Variants in GPC6 observed in about 807,000 individuals in gnomAD.
GPC6 encodes the protein glypican-6.
GPC6 carries 14 observed loss-of-function variants against 55.2 expected under a neutral mutation model. That is an observed-to-expected ratio of 0.25 (90% CI 0.17 to 0.40). The LOEUF (loss-of-function observed/expected upper bound fraction) is 0.40. GPC6 is among the 10% of genes least tolerant of loss of function. The pLI is 1.00. For synonymous variants in GPC6, 278 were observed against 259.6 expected, an observed-to-expected ratio of 1.07 and a Z score of -0.68; for missense variants, 641 against 708.5, an observed-to-expected ratio of 0.90 and a Z score of 1.08.
intron 2 of GPC6, among the ~76,000 whole-genome samples, chr13:93,623,762 T>A (rs1432854423): frequency 1.3e-5 from 2 of 152,094 alleles, no homozygotes; most frequent in East Asian, 3.9e-4. Flanking sequence ...CTGGCCTCTT[T>A]GGTCTTTTTG....
At chr13:93,555,039 T>C (rs542225608) in intron 2 of GPC6, among the ~76,000 whole-genome samples, 1 of 152,324 alleles carries the variant, frequency 6.6e-6, no homozygotes, top group South Asian at 2.1e-4. Context: ...TGAAGTAAGA[T>C]AGCAGGAAAT....
intron 2 of GPC6, among the ~76,000 whole-genome samples, chr13:93,558,158 T>C (rs1173008738): frequency 6.6e-6 from 1 of 152,240 alleles, no homozygotes; most frequent in Non-Finnish European, 1.5e-5. Flanking sequence ...TAGTTTTTCA[T>C]TTGTAAAATA....
At position 93,905,724 on chromosome 13, in the gene GPC6, A is replaced by G. The variant is rs149995466; in HGVS notation, c.711+75179A>G. Among the ~76,000 whole-genome samples the G allele has an allele frequency of 9.8e-3, 1,497 of 152,346 alleles. 20 individuals are homozygous for G. The highest frequency in any genetic ancestry group is 0.034 in the African/African-American group (1,398 of 41,586). On this transcript the variant is annotated intron_variant, in intron 3 of 8. Transcript: ENST00000377047. The stretch of plus-strand genomic sequence containing the variant: ...TTTGGGATTAGGTGAGAATAATCCA[A>G]TTTGAAGGATCAGGTTTTAATTACC...
chr13:94,335,190 A>G (rs902924343), intron 6 of GPC6, among the ~76,000 whole-genome samples: 2 of 152,202 alleles, frequency 1.3e-5, no homozygotes, highest in African/African-American at 4.8e-5. Context: ...CTATAAAGGG[A>G]AGAAAACAGG....
At chr13:93,690,189 T>C (rs1882206614) in intron 2 of GPC6, among the ~76,000 whole-genome samples, 1 of 152,126 alleles carries the variant, frequency 6.6e-6, no homozygotes, top group African/African-American at 2.4e-5. Flanking sequence ...GGAGCTGGTA[T>C]TGGGTTAAGC....
At chr13:93,765,232 TTGTCTGGAAAGACAACTTTCCAGATAAGC>T (rs71703802) in intron 2 of GPC6, among the ~76,000 whole-genome samples, 41,947 of 94,146 alleles carry the variant, frequency 0.45, 7,048 homozygotes, top group Middle Eastern at 0.58. Context: ...AAAAGATAAA[TTGTCTGGAAAGACAACTTTCCAGATAAGC>T]TGTCTGGAAA....
chr13:94,073,192 A>G (rs1484998374), intron 4 of GPC6, among the ~76,000 whole-genome samples: 1 of 152,144 alleles, frequency 6.6e-6, no homozygotes, highest in African/African-American at 2.4e-5. Flanking sequence ...GTAGTTTAGT[A>G]ATGATTCTGA....
intron 4 of GPC6, among the ~76,000 whole-genome samples, chr13:94,071,887 T>C (rs186272262): frequency 6.6e-6 from 1 of 152,298 alleles, no homozygotes; most frequent in East Asian, 1.9e-4. Context: ...ACACCCAAAG[T>C]CTAATGACCT....
chr13:93,726,853 T>C (rs1324069692), intron 2 of GPC6, among the ~76,000 whole-genome samples: 1 of 152,162 alleles, frequency 6.6e-6, no homozygotes, highest in Non-Finnish European at 1.5e-5. Context: ...GGCTTTGGGC[T>C]GATGGCCTCC....
At chr13:93,520,842 T>C (rs559939036) in intron 1 of GPC6, among the ~76,000 whole-genome samples, 149 of 32,786 alleles carry the variant, frequency 4.5e-3, no homozygotes, top group African/African-American at 9.2e-3. Flanking sequence ...TATATACTTA[T>C]AGACAAACTA....
chr13:94,365,143 C>G (rs1291804356), intron 6 of GPC6, among the ~76,000 whole-genome samples: 1 of 152,168 alleles, frequency 6.6e-6, no homozygotes, highest in African/African-American at 2.4e-5. Flanking sequence ...GATGAATAGG[C>G]AAATCTTTAT....
intron 4 of GPC6, among the ~76,000 whole-genome samples, chr13:94,231,486 T>C (rs935283676): frequency 2.0e-5 from 3 of 152,210 alleles, no homozygotes; most frequent in African/African-American, 7.2e-5. Context: ...TCTGATTAAT[T>C]TTCTATAGAA....
chr13:94,200,084 A>C (rs920158652), intron 4 of GPC6, among the ~76,000 whole-genome samples: 1 of 149,844 alleles, frequency 6.7e-6, no homozygotes, highest in Non-Finnish European at 1.5e-5. Flanking sequence ...TGAACCCTGG[A>C]GGCAGAGGTT....
At chr13:93,567,229 A>G (rs113966996) in intron 2 of GPC6, among the ~76,000 whole-genome samples, 49 of 152,292 alleles carry the variant, frequency 3.2e-4, no homozygotes, top group African/African-American at 1.1e-3. Flanking sequence ...GCTGTAATAG[A>G]CACACAGGCC....
intron 2 of GPC6, among the ~76,000 whole-genome samples, chr13:93,619,612 T>A (rs1167732830): frequency 6.6e-6 from 1 of 152,134 alleles, no homozygotes; most frequent in Admixed American, 6.6e-5. Context: ...CCATCATGCC[T>A]GGCTAGTTTT....
At chr13:94,085,337 A>AAG (rs1885242873) in intron 4 of GPC6, among the ~76,000 whole-genome samples, 1 of 150,752 alleles carries the variant, frequency 6.6e-6, no homozygotes, top group Non-Finnish European at 1.5e-5. Context: ...AAAAAAAAAA[A>AAG]AAAAAAAGGG....
rs139750100 is a variant in GPC6, at chr13:94,077,308, G to A, written c.877+49414G>A. Among the ~76,000 whole-genome samples, 551 of 151,782 alleles carry A rather than the reference G, an allele frequency of 3.6e-3. 6 individuals carry two copies. Among genetic ancestry groups the A allele is most frequent in the African/African-American group, 0.013 (529 of 41,488 alleles). ...ATTGTTAATGTATAGAAACATGACC[G>A]ATTTTTTAATGTTGATTTTGTATTC... On this transcript the variant is annotated intron_variant, in intron 4 of 8. Transcript: ENST00000377047.
At chr13:94,051,493 C>G (rs1008345794) in intron 4 of GPC6, among the ~76,000 whole-genome samples, 1 of 152,118 alleles carries the variant, frequency 6.6e-6, no homozygotes, top group Non-Finnish European at 1.5e-5. Context: ...AATTACTCAG[C>G]TTGGTTTGTG....
At chr13:94,309,834 A>G (rs1358066109) in intron 6 of GPC6, among the ~76,000 whole-genome samples, 2 of 151,444 alleles carry the variant, frequency 1.3e-5, no homozygotes, top group Admixed American at 6.6e-5. Context: ...CTTGTCACCA[A>G]CAAACTCCCC....
Sources: allele counts gnomAD v4.1 joint callset (sites outside exome capture counted in the v4.1 genomes callset), GRCh38; gene constraint gnomAD v4.1.1; transcripts MANE v1.5; gene names NCBI Gene and HGNC (gene_info 2026-07-23, HGNC 2026-07-21).